DMXL1: variants seen among roughly 807,000 people sequenced by gnomAD.
DMXL1 encodes the protein dmX-like protein 1.
DMXL1 carries 99 observed loss-of-function variants against 319.2 expected under a neutral mutation model. The observed-to-expected ratio is 0.31, with a 90% CI of 0.26 to 0.37. The LOEUF is 0.37. Among genes scored for constraint, DMXL1 ranks in the 10% least tolerant of loss-of-function variants. The pLI is 1.00. For synonymous variants in DMXL1, 1,385 were observed against 1,235.2 expected, an observed-to-expected ratio of 1.12 and a Z score of -2.54; for missense variants, 3,745 against 3,595.6, an observed-to-expected ratio of 1.04 and a Z score of -1.06.
At position 119,170,799 on chromosome 5, in the gene DMXL1, A is replaced by C. The variant is rs1774390837; in HGVS notation, c.6008A>C (p.Asn2003Thr). 1 of 1,611,888 alleles carries C rather than the reference A, an allele frequency of 6.2e-7. No individual in the cohort carries two copies. Among genetic ancestry groups the C allele is most frequent in the African/African-American group, 1.3e-5 (1 of 74,236 alleles). ...AAAAAGTTGGATGACATAAGTTCTA[A>C]CTACACAGAATCTTTCAGCACACTA... Reference protein sequence around the residue: ...TDKKLDDISSNYTESFSTLDE... With the variant: ...TDKKLDDISSTYTESFSTLDE... The change falls in exon 24 of 44, where the codon AAC (asparagine) becomes ACC (threonine). Residue 2003 changes from asparagine (N) to threonine (T), a missense_variant. Coordinates refer to ENST00000539542, the MANE Select transcript of DMXL1 (RefSeq NM_001290321.3).
At chr5:119,178,518 T>C (rs1581177386) in intron 28 of DMXL1, 1 of 666,618 alleles carries the variant, frequency 1.5e-6, no homozygotes, top group Non-Finnish European at 1.9e-6. Flanking sequence ...TGAAACACAC[T>C]GTAATATTGG....
chr5:119,178,315 C>A, intron 28 of DMXL1, 71 bp downstream of exon 28: 1 of 1,486,158 alleles, frequency 6.7e-7, no homozygotes. Flanking sequence ...AACGTAATTA[C>A]ATTTTAATTT....
chr5:119,103,768 G>A (rs7719887), intron 3 of DMXL1, among the ~76,000 whole-genome samples: 7,266 of 152,126 alleles, frequency 0.048, 475 homozygotes, highest in African/African-American at 0.15. Context: ...GTGTATTTCA[G>A]TACTCAATAA....
At chr5:119,175,804 A>ATATTTCTCTG (rs1775684790) in intron 26 of DMXL1, among the ~76,000 whole-genome samples, 1 of 152,098 alleles carries the variant, frequency 6.6e-6, no homozygotes, top group African/African-American at 2.4e-5. Flanking sequence ...GATGTATAGG[A>ATATTTCTCTG]TATTTCTCTG....
chr5:119,188,990 A>G (rs560867523), intron 28 of DMXL1, among the ~76,000 whole-genome samples: 3 of 152,332 alleles, frequency 2.0e-5, no homozygotes, highest in African/African-American at 4.8e-5. Context: ...TTTGTCTGCA[A>G]AATCCTTGAT....
intron 1 of DMXL1, among the ~76,000 whole-genome samples, chr5:119,090,996 T>C (rs972024187): frequency 6.6e-6 from 1 of 152,166 alleles, no homozygotes; most frequent in Admixed American, 6.6e-5. Context: ...CCAAGATTTC[T>C]GTTTGATTTT....
chr5:119,150,945 A>G (rs985003238), intron 18 of DMXL1, among the ~76,000 whole-genome samples: 2 of 151,912 alleles, frequency 1.3e-5, no homozygotes, highest in African/African-American at 4.8e-5. Context: ...GAGTGCACAA[A>G]GACTCGTTAT....
At chr5:119,211,956 T>C (rs566659627) in intron 34 of DMXL1, among the ~76,000 whole-genome samples, 1 of 152,212 alleles carries the variant, frequency 6.6e-6, no homozygotes, top group Non-Finnish European at 1.5e-5. Flanking sequence ...TGTTAATCTA[T>C]TGTAACTATC....
At chr5:119,081,738 A>G (rs1752233107) in intron 1 of DMXL1, 1 of 984,830 alleles carries the variant, frequency 1.0e-6, no homozygotes, top group Non-Finnish European at 1.2e-6. Context: ...AATGGGGACA[A>G]ATTGAGACTG....
At chr5:119,225,909 A>G (rs1785461709) in intron 38 of DMXL1, among the ~76,000 whole-genome samples, 1 of 152,162 alleles carries the variant, frequency 6.6e-6, no homozygotes, top group Admixed American at 6.5e-5. Flanking sequence ...TGTGTTTTAT[A>G]TATAAAATTT....
intron 30 of DMXL1, among the ~76,000 whole-genome samples, chr5:119,195,216 A>G (rs1488286308): frequency 6.6e-6 from 1 of 152,224 alleles, no homozygotes; most frequent in Non-Finnish European, 1.5e-5. Context: ...AAATAGAATT[A>G]CCATATGATC....
At chr5:119,076,099 A>T (rs572768453) in intron 1 of DMXL1, among the ~76,000 whole-genome samples, 1 of 152,296 alleles carries the variant, frequency 6.6e-6, no homozygotes, top group East Asian at 1.9e-4. Context: ...GTACCAATAT[A>T]TAAGACTAAC....
Position 119,071,409 on chromosome 5 carries a change from G to A in DMXL1, c.-161G>A. On this transcript the variant is annotated 5_prime_UTR_variant, in exon 1 of 44. Transcript: ENST00000539542. ...CGCCCTCCGGGGCTCGGGATGAGTCGCGGGCCCCAGCTGAGCGGCTCCGGC... is the reference window on the plus strand; with the variant it reads ...CGCCCTCCGGGGCTCGGGATGAGTCACGGGCCCCAGCTGAGCGGCTCCGGC... The A allele has an allele frequency of 1.5e-6, 1 of 676,856 alleles. No homozygotes were observed. The highest frequency in any genetic ancestry group is 2.5e-6 in the Non-Finnish European group (1 of 405,446). 41.9% of individuals were successfully genotyped at this position (676,856 alleles called of 1,614,324 possible).
At chr5:119,109,827 A>G (rs891272739) in intron 4 of DMXL1, among the ~76,000 whole-genome samples, 1 of 152,204 alleles carries the variant, frequency 6.6e-6, no homozygotes, top group African/African-American at 2.4e-5. Flanking sequence ...ACATGGTATC[A>G]TATTTCCATG....
At chr5:119,199,808 A>G (rs1780355308) in intron 32 of DMXL1, among the ~76,000 whole-genome samples, 1 of 151,892 alleles carries the variant, frequency 6.6e-6, no homozygotes, top group Non-Finnish European at 1.5e-5. Flanking sequence ...TGTGCTTTTG[A>G]TTTGCTTTTC....
chr5:119,127,929 T>TC (rs1362766010), intron 9 of DMXL1: 1 of 375,632 alleles, frequency 2.7e-6, no homozygotes, highest in East Asian at 7.0e-5. Flanking sequence ...CTTCATAAAC[T>TC]TAGTATCAAA....
At chr5:119,219,951 C>T (rs1303368602) in intron 35 of DMXL1, among the ~76,000 whole-genome samples, 2 of 151,046 alleles carry the variant, frequency 1.3e-5, no homozygotes, top group African/African-American at 4.9e-5. Context: ...CTTTTTCTGG[C>T]ATACTTCTCC....
intron 41 of DMXL1, among the ~76,000 whole-genome samples, chr5:119,239,523 A>G (rs991596995): frequency 5.3e-5 from 8 of 152,228 alleles, no homozygotes; most frequent in Non-Finnish European, 1.2e-4. Context: ...CTGTTAATGT[A>G]TGTCAGTCCA....
rs147723987 is a variant in DMXL1, at chr5:119,200,149, G to A, written c.7745+2193G>A. On this transcript the variant is annotated intron_variant, in intron 32 of 43. Coordinates refer to ENST00000539542, the MANE Select transcript of DMXL1 (RefSeq NM_001290321.3). ...GGTCCTTGTCATAAAATCTTTGCCT[G>A]TTCCTGTGTCCGGGGTGGTATTGCC... Among the ~76,000 whole-genome samples, 508 of 152,176 alleles carry A rather than the reference G, an allele frequency of 3.3e-3. 6 individuals carry two copies. Among genetic ancestry groups the A allele is most frequent in the African/African-American group, 0.012 (487 of 41,526 alleles).
Sources: allele counts gnomAD v4.1 joint callset (sites outside exome capture counted in the v4.1 genomes callset), GRCh38; gene constraint gnomAD v4.1.1; transcripts MANE v1.5; gene names NCBI Gene and HGNC (gene_info 2026-07-23, HGNC 2026-07-21).